NFATC3: variants seen among roughly 807,000 people sequenced by gnomAD.
NFATC3 encodes the protein nuclear factor of activated T cells 3, also known as nuclear factor of activated T-cells, cytoplasmic 3.
A neutral mutation model predicts 98.6 loss-of-function variants in NFATC3; 46 were observed. That is an observed-to-expected ratio of 0.47 (90% CI 0.37 to 0.60). NFATC3 has a LOEUF of 0.60. Among genes scored for constraint, NFATC3 ranks in the 20% least tolerant of loss-of-function variants. The probability of loss-of-function intolerance (pLI) is 0.00; values close to 1 mark genes in which losing one functional copy is unlikely to be tolerated. For synonymous variants in NFATC3, 512 were observed against 472.2 expected, an observed-to-expected ratio of 1.08 and a Z score of -1.09; for missense variants, 1,256 against 1,295.5, an observed-to-expected ratio of 0.97 and a Z score of 0.47.
intron 1 of NFATC3, among the ~76,000 whole-genome samples, chr16:68,087,025 C>T (rs1391836038): frequency 6.6e-6 from 1 of 152,134 alleles, no homozygotes; most frequent in Non-Finnish European, 1.5e-5. Flanking sequence ...GACACATAGT[C>T]CAAGTAATAA....
intron 8 of NFATC3, among the ~76,000 whole-genome samples, chr16:68,188,728 G>C (rs1334687853): frequency 6.6e-6 from 1 of 152,076 alleles, no homozygotes; most frequent in Non-Finnish European, 1.5e-5. Flanking sequence ...TTTTGTTTGA[G>C]ACAGAATTTC....
chr16:68,195,482 C>T (rs1216141204), intron 9 of NFATC3, among the ~76,000 whole-genome samples: 2 of 151,552 alleles, frequency 1.3e-5, no homozygotes, highest in African/African-American at 4.8e-5. Context: ...CCAGTCTTGC[C>T]AATATAGTGA....
chr16:68,217,727 GA>G, intron 9 of NFATC3: 1 of 1,231,626 alleles, frequency 8.1e-7, no homozygotes, highest in Non-Finnish European at 1.0e-6. Flanking sequence ...TCAAAGCAGA[GA>G]AACCACTTAG....
intron 3 of NFATC3, among the ~76,000 whole-genome samples, chr16:68,153,569 C>T (rs891282558): frequency 6.6e-5 from 10 of 152,274 alleles, no homozygotes; most frequent in African/African-American, 2.4e-4. Flanking sequence ...CCAGCATTGA[C>T]AACATTAATC....
chr16:68,212,474 A>G (rs1400435606), intron 9 of NFATC3: 1 of 152,162 alleles, frequency 6.6e-6, no homozygotes, highest in Non-Finnish European at 1.5e-5. Context: ...TATAGGCAAA[A>G]AGATGAGAGT....
intron 1 of NFATC3, among the ~76,000 whole-genome samples, chr16:68,114,035 G>A (rs568459802): frequency 6.6e-6 from 1 of 152,328 alleles, no homozygotes; most frequent in Non-Finnish European, 1.5e-5. Context: ...CACAACCTGA[G>A]CAGGTTGCAC....
intron 1 of NFATC3, chr16:68,086,927 T>TA (rs2034410227): frequency 2.6e-6 from 1 of 378,182 alleles, no homozygotes; most frequent in African/African-American, 2.2e-5. Context: ...GAGCACCTAT[T>TA]ACGTCGAACC....
Position 68,188,208 on chromosome 16 carries a change from A to G in NFATC3, c.2099-2560A>G, listed in dbSNP as rs1007116156. 2.0e-5 allele frequency among the ~76,000 whole-genome samples: 3 copies of G among 152,292 alleles called. No homozygotes were observed. The East Asian group carries it at 5.8e-4, about 29-fold the overall frequency. On this transcript the variant is annotated intron_variant, in intron 8 of 9. Transcript: ENST00000346183. ...GAGGGGCCAGACACTGGGAGCAAGC[A>G]TCTCTGAGCTGTTGCGGGAGGGGGG...
chr16:68,198,839 G>C (rs1344198853), intron 9 of NFATC3, among the ~76,000 whole-genome samples: 1 of 152,188 alleles, frequency 6.6e-6, no homozygotes, highest in Non-Finnish European at 1.5e-5. Flanking sequence ...ATGAGGTCAG[G>C]AGGTCGAGAC....
At chr16:68,115,550 A>T (rs2036230809) in intron 1 of NFATC3, among the ~76,000 whole-genome samples, 1 of 151,830 alleles carries the variant, frequency 6.6e-6, no homozygotes, top group Non-Finnish European at 1.5e-5. Flanking sequence ...CCAGCCTCCC[A>T]AGTAGCTGGG....
At chr16:68,168,263 C>T (rs1206739730) in intron 5 of NFATC3, among the ~76,000 whole-genome samples, 2 of 150,988 alleles carry the variant, frequency 1.3e-5, no homozygotes. Context: ...AGAGTTTAAG[C>T]GATTTTCTCC....
chr16:68,117,018 C>T (rs2036314275), intron 1 of NFATC3, among the ~76,000 whole-genome samples: 1 of 152,176 alleles, frequency 6.6e-6, no homozygotes, highest in South Asian at 2.1e-4. Context: ...TTGCAGCCAT[C>T]TTCTCTCATT....
intron 4 of NFATC3, among the ~76,000 whole-genome samples, chr16:68,158,546 A>T (rs1454353152): frequency 2.0e-5 from 3 of 152,216 alleles, no homozygotes; most frequent in Non-Finnish European, 2.9e-5. Context: ...TAGAAACCTG[A>T]TATGCAGTGG....
chr16:68,217,200 G>A (rs1156646210), intron 9 of NFATC3, among the ~76,000 whole-genome samples: 1 of 152,090 alleles, frequency 6.6e-6, no homozygotes. Flanking sequence ...GGGAGGCCGA[G>A]GTAGGCAGAT....
chr16:68,203,479 A>G (rs2041012895), intron 9 of NFATC3, among the ~76,000 whole-genome samples: 2 of 152,096 alleles, frequency 1.3e-5, no homozygotes, highest in Non-Finnish European at 2.9e-5. Flanking sequence ...AAAAAATACC[A>G]GAATTAGGCC....
At chr16:68,156,399 T>A (rs528570519) in intron 3 of NFATC3, among the ~76,000 whole-genome samples, 1 of 152,078 alleles carries the variant, frequency 6.6e-6, no homozygotes, top group African/African-American at 2.4e-5. Flanking sequence ...CAAACCGATA[T>A]CCTTCATGAA....
intron 9 of NFATC3, among the ~76,000 whole-genome samples, chr16:68,218,340 C>T (rs536145743): frequency 1.3e-5 from 2 of 151,276 alleles, no homozygotes; most frequent in African/African-American, 4.9e-5. Flanking sequence ...TTTGGAAGGC[C>T]GAGGCAGACA....
chr16:68,176,594 C>A (rs192066264), intron 6 of NFATC3, among the ~76,000 whole-genome samples: 25 of 152,202 alleles, frequency 1.6e-4, no homozygotes, highest in Non-Finnish European at 1.5e-5. Context: ...TATTAAAATT[C>A]TTAAATTTTT....
At position 68,104,653 on chromosome 16, in the gene NFATC3, G is replaced by GTTTTTTTTTTTTTTTTTTTTTTT; in HGVS notation, c.104-17318_104-17317insTTTTTTTTTTTTTTTTTTTTTTT. On this transcript the variant is annotated intron_variant, in intron 1 of 9. Coordinates refer to ENST00000346183, the MANE Select transcript of NFATC3 (RefSeq NM_173165.3). The stretch of plus-strand genomic sequence containing the variant: ...GTTAGCTGTGGGCTTTTCACAAATG[G>GTTTTTTTTTTTTTTTTTTTTTTT]TTTTTTTTTTTTTTTTGAAATGGAG... 1.6e-3 allele frequency among the ~76,000 whole-genome samples: 204 copies of GTTTTTTTTTTTTTTTTTTTTTTT among 126,640 alleles called. 10 individuals are homozygous for GTTTTTTTTTTTTTTTTTTTTTTT. Among genetic ancestry groups the GTTTTTTTTTTTTTTTTTTTTTTT allele is most frequent in the African/African-American group, 2.6e-3 (83 of 31,832 alleles). 83.1% of individuals were successfully genotyped at this position (126,640 alleles called of 152,430 possible). A position where few individuals can be genotyped will look rare whatever the true frequency, so the allele number is the denominator to read the frequency against.
Sources: allele counts gnomAD v4.1 joint callset (sites outside exome capture counted in the v4.1 genomes callset), GRCh38; gene constraint gnomAD v4.1.1; transcripts MANE v1.5; gene names NCBI Gene and HGNC (gene_info 2026-07-23, HGNC 2026-07-21).